Variants in DAAM1 observed in about 807,000 individuals in gnomAD.
DAAM1 encodes the protein disheveled-associated activator of morphogenesis 1.
A neutral mutation model predicts 130.0 loss-of-function variants in DAAM1; 52 were observed. That is an observed-to-expected ratio of 0.40 (90% CI 0.32 to 0.50). The LOEUF is 0.50. Ranked by LOEUF, DAAM1 falls within the 20% of genes least tolerant of loss-of-function variation. DAAM1 has a pLI of 0.61. For missense variants in DAAM1, 1,134 were observed against 1,303.8 expected (o/e 0.87, Z 2.01); for synonymous variants, 452 against 444.5 (o/e 1.02, Z -0.21).
At chr14:59,270,862 C>G (rs1251924442) in intron 2 of DAAM1, among the ~76,000 whole-genome samples, 1 of 152,012 alleles carries the variant, frequency 6.6e-6, no homozygotes, top group Non-Finnish European at 1.5e-5. Flanking sequence ...GCAAAATGTG[C>G]AACTGCTTTT....
Position 59,331,372 on chromosome 14 carries a change from C to T in DAAM1, c.1724C>T (p.Pro575Leu), listed in dbSNP as rs760215723. The T allele has an allele frequency of 1.9e-6, 3 of 1,612,818 alleles. No homozygotes were observed. Among genetic ancestry groups the T allele is most frequent in the East Asian group, 2.2e-5 (1 of 44,824 alleles). ...CCTCCCCTCCCTCCAGGTGGCCCTC[C>T]TCCTCCCCCAGGGCCTCCTCCCTTA... ...PPPPLPPGGP[P>L]PPPGPPPLGA... Residue 575 changes from proline (P) to leucine (L), a missense_variant, in exon 14 of 25, where the codon CCT becomes CTT. By Grantham distance (98) the Pro-to-Leu change is moderately conservative. Transcript: ENST00000360909.
At chr14:59,254,536 A>G (rs1418564576) in intron 1 of DAAM1, among the ~76,000 whole-genome samples, 1 of 152,132 alleles carries the variant, frequency 6.6e-6, no homozygotes, top group Non-Finnish European at 1.5e-5. Flanking sequence ...TTCAGCTTAC[A>G]TTTGTTTATT....
At chr14:59,256,017 C>G (rs1241303191) in intron 1 of DAAM1, among the ~76,000 whole-genome samples, 1 of 152,054 alleles carries the variant, frequency 6.6e-6, no homozygotes, top group African/African-American at 2.4e-5. Context: ...ACCCCTCTAG[C>G]TAGAGGAAAA....
intron 1 of DAAM1, among the ~76,000 whole-genome samples, chr14:59,205,215 T>A (rs911081968): frequency 6.6e-6 from 1 of 152,242 alleles, no homozygotes; most frequent in Non-Finnish European, 1.5e-5. Context: ...TGATGTCTTA[T>A]ACTATCTGGT....
intron 2 of DAAM1, among the ~76,000 whole-genome samples, chr14:59,274,453 G>A (rs1882865724): frequency 6.6e-6 from 1 of 152,136 alleles, no homozygotes; most frequent in African/African-American, 2.4e-5. Context: ...ATAACTCATT[G>A]TGTTAATCCA....
intron 17 of DAAM1, among the ~76,000 whole-genome samples, chr14:59,347,909 C>T (rs1260848639): frequency 4.6e-5 from 7 of 152,234 alleles, no homozygotes; most frequent in African/African-American, 1.4e-4. Flanking sequence ...TCATATAAAT[C>T]TAGCTCTAGA....
chr14:59,247,581 A>G (rs1274168381), intron 1 of DAAM1, among the ~76,000 whole-genome samples: 2 of 152,142 alleles, frequency 1.3e-5, no homozygotes, highest in Non-Finnish European at 2.9e-5. Flanking sequence ...TCAGTGTACA[A>G]GCTTTTCACC....
intron 5 of DAAM1, among the ~76,000 whole-genome samples, chr14:59,322,061 A>G (rs937970287): frequency 2.0e-5 from 3 of 152,212 alleles, no homozygotes; most frequent in Non-Finnish European, 4.4e-5. Flanking sequence ...GATTCCATGT[A>G]GCATGTCATA....
intron 16 of DAAM1, among the ~76,000 whole-genome samples, chr14:59,343,193 C>T (rs1255638230): frequency 6.6e-6 from 1 of 152,094 alleles, no homozygotes; most frequent in Non-Finnish European, 1.5e-5. Context: ...AGAACTGGTG[C>T]CTTTTGTTCA....
rs61227619 is a variant in DAAM1, at chr14:59,272,643, ATATG to A, written c.183+9006_183+9009del. On this transcript the variant is annotated intron_variant, in intron 2 of 24. Coordinates refer to ENST00000360909, the MANE Select transcript of DAAM1 (RefSeq NM_001270520.2). The stretch of plus-strand genomic sequence containing the variant: ...CACACACACACACATACACACATAT[ATATG>A]TATGTATGTATGTATGTATGTAGGA... Among the ~76,000 whole-genome samples the A allele has an allele frequency of 2.3e-3, 332 of 145,986 alleles. 1 individual carries two copies. Among genetic ancestry groups the A allele is most frequent in the East Asian group, 0.02 (96 of 4,922 alleles).
At chr14:59,289,437 C>T (rs944352664) in intron 2 of DAAM1, among the ~76,000 whole-genome samples, 1 of 152,112 alleles carries the variant, frequency 6.6e-6, no homozygotes, top group African/African-American at 2.4e-5. Flanking sequence ...AATGAGATAT[C>T]ATACCATCAG....
At chr14:59,327,402 C>CTTTTTTTTTTTTTTTTGTTTT (rs1885250968) in intron 12 of DAAM1, among the ~76,000 whole-genome samples, 1 of 58,992 alleles carries the variant, frequency 1.7e-5, no homozygotes, top group African/African-American at 7.7e-5. Context: ...CACTTGGTTT[C>CTTTTTTTTTTTTTTTTGTTTT]TTTTTTTTTT....
At chr14:59,325,783 G>A in intron 9 of DAAM1, 53 bp downstream of exon 9, 1 of 1,592,484 alleles carries the variant, frequency 6.3e-7, no homozygotes, top group Non-Finnish European at 8.6e-7. Context: ...CATTATTTCT[G>A]TCTGTAATGT....
intron 3 of DAAM1, among the ~76,000 whole-genome samples, chr14:59,305,972 A>G (rs1555361905): frequency 1.3e-5 from 2 of 152,184 alleles, no homozygotes; most frequent in Non-Finnish European, 2.9e-5. Context: ...ATTTTTTCCC[A>G]GGGGAGTTCA....
At chr14:59,311,907 C>T (rs1884612324) in intron 3 of DAAM1, among the ~76,000 whole-genome samples, 1 of 151,988 alleles carries the variant, frequency 6.6e-6, no homozygotes, top group African/African-American at 2.4e-5. Flanking sequence ...CTATGTTGCC[C>T]AGGCTCATCT....
intron 3 of DAAM1, among the ~76,000 whole-genome samples, chr14:59,313,014 A>T (rs1215149396): frequency 6.6e-6 from 1 of 152,220 alleles, no homozygotes; most frequent in African/African-American, 2.4e-5. Flanking sequence ...ATGTCTATTA[A>T]CCTCCTAAGA....
At chr14:59,247,285 A>T (rs1191602334) in intron 1 of DAAM1, among the ~76,000 whole-genome samples, 1 of 152,168 alleles carries the variant, frequency 6.6e-6, no homozygotes, top group African/African-American at 2.4e-5. Flanking sequence ...TGTTTTGATT[A>T]CTGTACTTTT....
intron 24 of DAAM1, among the ~76,000 whole-genome samples, chr14:59,368,279 A>G (rs1887003839): frequency 6.6e-6 from 1 of 152,146 alleles, no homozygotes; most frequent in African/African-American, 2.4e-5. Flanking sequence ...ATATAAGGAA[A>G]ATGGCCTGAT....
At chr14:59,327,903 C>T (rs1034133285) in intron 12 of DAAM1, among the ~76,000 whole-genome samples, 1 of 152,118 alleles carries the variant, frequency 6.6e-6, no homozygotes, top group Non-Finnish European at 1.5e-5. Flanking sequence ...CATTTATGTC[C>T]ATCAGTGTAC....
Sources: gnomAD v4.1 joint callset for allele counts (sites outside exome capture counted in the v4.1 genomes callset) on GRCh38, gnomAD v4.1.1 for gene constraint, MANE v1.5 for transcripts, NCBI Gene and HGNC (gene_info 2026-07-23, HGNC 2026-07-21) for gene names.